Variants in GRAMD4 observed in about 807,000 individuals in gnomAD.
GRAMD4 encodes GRAM domain containing 4.
A neutral mutation model predicts 83.9 loss-of-function variants in GRAMD4; 25 were observed. The ratio of observed to expected loss-of-function variants is 0.30; its 90% CI spans 0.22 to 0.42. The LOEUF is 0.42. Ranked by LOEUF, GRAMD4 falls within the 10% of genes least tolerant of loss-of-function variation. GRAMD4 has a pLI of 1.00. For synonymous variants in GRAMD4, 336 were observed against 320.9 expected, an observed-to-expected ratio of 1.05 and a Z score of -0.50; for missense variants, 593 against 788.7, an observed-to-expected ratio of 0.75 and a Z score of 2.97.
intron 10 of GRAMD4, among the ~76,000 whole-genome samples, chr22:46,667,189 C>T (rs1444567773): frequency 1.3e-5 from 2 of 152,196 alleles, no homozygotes; most frequent in East Asian, 3.9e-4. Context: ...GCTGTAGCCC[C>T]CACAACCTCC....
chr22:46,591,351 C>T (rs2081205918), intron 1 of GRAMD4, among the ~76,000 whole-genome samples: 1 of 152,100 alleles, frequency 6.6e-6, no homozygotes. Flanking sequence ...GACTCCATCT[C>T]TACTAAAAAT....
At chr22:46,677,020 G>A in intron 18 of GRAMD4, 127 bp from the exon 19 acceptor site, 1 of 1,101,728 alleles carries the variant, frequency 9.1e-7, no homozygotes, top group Non-Finnish European at 1.3e-6. Context: ...GGAGACACCT[G>A]TCTTTTGCAC....
intron 1 of GRAMD4, among the ~76,000 whole-genome samples, chr22:46,583,095 T>G (rs1042512939): frequency 1.3e-5 from 2 of 152,220 alleles, no homozygotes; most frequent in Non-Finnish European, 1.5e-5. Flanking sequence ...TGGCTAATTT[T>G]GTATTTTTAG....
At chr22:46,656,912 C>A (rs2082252407) in intron 3 of GRAMD4, among the ~76,000 whole-genome samples, 1 of 152,152 alleles carries the variant, frequency 6.6e-6, no homozygotes, top group Non-Finnish European at 1.5e-5. Flanking sequence ...CACCATAGGC[C>A]ACAGCCAGCC....
chr22:46,668,252 G>T (rs996510746), intron 11 of GRAMD4, 85 bp downstream of exon 11: 29 of 919,202 alleles, frequency 3.2e-5, no homozygotes, highest in Non-Finnish European at 4.5e-5. Flanking sequence ...CCAGGGGTAG[G>T]TCTCCGCCGG....
chr22:46,673,075 G>T (rs184289921), intron 14 of GRAMD4, 78 bp downstream of exon 14: 3 of 1,163,794 alleles, frequency 2.6e-6, no homozygotes, highest in African/African-American at 3.1e-5. Flanking sequence ...ACAGTGCTCT[G>T]TTCACCTCCG....
chr22:46,589,939 T>A (rs1012552992), intron 1 of GRAMD4, among the ~76,000 whole-genome samples: 1 of 152,110 alleles, frequency 6.6e-6, no homozygotes, highest in Non-Finnish European at 1.5e-5. Context: ...TTCAGCCAGC[T>A]CCCCTCGTGG....
At chr22:46,618,131 C>T (rs1270702186), upstream of GRAMD4, among the ~76,000 whole-genome samples, 1 of 151,534 alleles carries the variant, frequency 6.6e-6, no homozygotes, top group Non-Finnish European at 1.5e-5. The surrounding 1 kb of genome is among the most constrained non-coding windows in gnomAD (Gnocchi z 5.8). Flanking sequence ...GTCGCTCCCT[C>T]ACTCTCTGAA....
chr22:46,650,469 C>T (rs992629870), intron 3 of GRAMD4, among the ~76,000 whole-genome samples: 1 of 151,880 alleles, frequency 6.6e-6, no homozygotes, highest in Non-Finnish European at 1.5e-5. Context: ...GCCTCAGCCC[C>T]ACAGTCTGGG....
chr22:46,579,925 C>G (rs1054427778), intron 1 of GRAMD4, among the ~76,000 whole-genome samples: 4 of 152,130 alleles, frequency 2.6e-5, no homozygotes, highest in African/African-American at 9.7e-5. Flanking sequence ...ATTTACAGAG[C>G]TCCTGTTGGT....
chr22:46,666,448 G>A (rs750561324), intron 9 of GRAMD4, among the ~76,000 whole-genome samples: 6 of 152,070 alleles, frequency 3.9e-5, no homozygotes, highest in Non-Finnish European at 7.4e-5. Flanking sequence ...TGGCTCATTT[G>A]AAAATGTTTT....
At chr22:46,635,864 G>A (rs1024783020) in intron 2 of GRAMD4, among the ~76,000 whole-genome samples, 19 of 146,956 alleles carry the variant, frequency 1.3e-4, no homozygotes, top group South Asian at 6.5e-4. Flanking sequence ...TCTGAAACAC[G>A]CCAGGGTCCA....
chr22:46,680,188 G>C (rs1402925875), downstream of GRAMD4, among the ~76,000 whole-genome samples: 1 of 152,204 alleles, frequency 6.6e-6, no homozygotes, highest in Non-Finnish European at 1.5e-5. Context: ...TTGGTGTCCT[G>C]GCTGCCTGGG....
intron 10 of GRAMD4, among the ~76,000 whole-genome samples, chr22:46,667,868 C>T (rs1224353465): frequency 6.6e-6 from 1 of 152,218 alleles, no homozygotes; most frequent in Admixed American, 6.5e-5. Context: ...AGGGGCGGCT[C>T]TGCCCCACTC....
At chr22:46,604,222 G>A (rs926977819) in intron 1 of GRAMD4, among the ~76,000 whole-genome samples, 2 of 152,186 alleles carry the variant, frequency 1.3e-5, no homozygotes, top group African/African-American at 4.8e-5. Context: ...CGGCTTTTCA[G>A]AATTTTCCTG....
At chr22:46,666,774 C>T (rs1267121393) in intron 9 of GRAMD4, 51 bp from the exon 10 acceptor site, 3 of 1,516,302 alleles carry the variant, frequency 2.0e-6, no homozygotes, top group Non-Finnish European at 2.7e-6. Flanking sequence ...GATGCCTTCC[C>T]CTGACTCAGG....
chr22:46,678,417 A>G lies in GRAMD4; in HGVS notation c.*1166A>G. The G allele has an allele frequency of 2.0e-6, 2 of 981,672 alleles. No individual in the cohort carries two copies. Among genetic ancestry groups the G allele is most frequent in the Non-Finnish European group, 2.4e-6 (2 of 827,982 alleles). 60.8% of individuals were successfully genotyped at this position (981,672 alleles called of 1,614,324 possible). ...ACCCCCCCAGCCCCCGCCCTGCCCCAGGGAAGCCTGGGCTTCCCGGGAACA... is the reference window on the plus strand; with the variant it reads ...ACCCCCCCAGCCCCCGCCCTGCCCCGGGGAAGCCTGGGCTTCCCGGGAACA... On this transcript the variant is annotated 3_prime_UTR_variant, in exon 19 of 19. Transcript: ENST00000406902.
At chr22:46,650,014 G>T (rs913873418) in intron 3 of GRAMD4, among the ~76,000 whole-genome samples, 15 of 152,224 alleles carry the variant, frequency 9.9e-5, no homozygotes, top group African/African-American at 3.4e-4. Flanking sequence ...GAGAGTTCAG[G>T]TGAGAGTCCG....
At chr22:46,668,008 G>A (rs912266171) in intron 10 of GRAMD4, 88 bp from the exon 11 acceptor site, 2 of 908,060 alleles carry the variant, frequency 2.2e-6, no homozygotes, top group African/African-American at 3.3e-5. Context: ...AGAGTCCCTG[G>A]GGCTGGGAGG....
Sources: gnomAD v4.1 joint callset for allele counts (sites outside exome capture counted in the v4.1 genomes callset) on GRCh38, gnomAD v4.1.1 for gene constraint, Gnocchi (gnomAD v3.1) non-coding constraint, MANE v1.5 for transcripts, NCBI Gene and HGNC (gene_info 2026-07-23, HGNC 2026-07-21) for gene names.